The following GRIK2 variants were observed in gnomAD, a reference collection of about 807,000 sequenced individuals.
GRIK2 encodes glutamate ionotropic receptor kainate type subunit 2, also known as glutamate receptor ionotropic, kainate 2.
GRIK2 carries 32 observed loss-of-function variants against 100.3 expected under a neutral mutation model. The ratio of observed to expected loss-of-function variants is 0.32; its 90% CI spans 0.24 to 0.43. The LOEUF is 0.43. Among genes scored for constraint, GRIK2 ranks in the 20% least tolerant of loss-of-function variants. GRIK2 has a pLI of 1.00. For missense variants in GRIK2, 843 were observed against 1,114.9 expected, an observed-to-expected ratio of 0.76 and a Z score of 3.47; for synonymous variants, 417 against 389.4, an observed-to-expected ratio of 1.07 and a Z score of -0.83.
chr6:101,872,828 A>G (rs1392098301), intron 11 of GRIK2, among the ~76,000 whole-genome samples: 1 of 151,948 alleles, frequency 6.6e-6, no homozygotes. Flanking sequence ...GTTTTCAATG[A>G]GAATTTAAAT....
At position 102,019,632 on chromosome 6, in the gene GRIK2, G is replaced by A. The variant is rs531936757; in HGVS notation, c.2086-15709G>A. Among the ~76,000 whole-genome samples the A allele has an allele frequency of 2.6e-5, 4 of 152,078 alleles. No homozygotes were observed. The South Asian group carries it at 8.3e-4, about 32-fold the overall frequency. ...GTGTCAATCTATACATGAGATTTGT[G>A]TCAGTCTTTTCAGTTTATCACTTTT... is the stretch of plus-strand genomic sequence containing the variant. On this transcript the variant is annotated intron_variant, in intron 14 of 16. Transcript: ENST00000369134.
At chr6:101,582,480 G>T (rs988775830) in intron 2 of GRIK2, among the ~76,000 whole-genome samples, 2 of 152,076 alleles carry the variant, frequency 1.3e-5, no homozygotes, top group African/African-American at 4.8e-5. Flanking sequence ...GTGAAGAGGT[G>T]CCTTCTGCCA....
chr6:102,015,433 T>C (rs1238359513), intron 14 of GRIK2, among the ~76,000 whole-genome samples: 1 of 152,176 alleles, frequency 6.6e-6, no homozygotes, highest in African/African-American at 2.4e-5. Flanking sequence ...TTAGCCCATT[T>C]ACATTCAAGG....
At chr6:101,416,474 T>C (rs556681054) in intron 2 of GRIK2, among the ~76,000 whole-genome samples, 1 of 152,276 alleles carries the variant, frequency 6.6e-6, no homozygotes, top group Non-Finnish European at 1.5e-5. Flanking sequence ...CTTTTTGATT[T>C]GTTAAGCAAA....
rs1350203939 is a variant in GRIK2 at position 101,484,866 on chromosome 6, A to G, written c.115+85474A>G. ...TATAGGTACAGAATTTATAAGTTCA[A>G]AATGCTTCTATTATTGACAAATAAC... On this transcript the variant is annotated intron_variant, in intron 2 of 16. Coordinates refer to ENST00000369134, the MANE Select transcript of GRIK2 (RefSeq NM_021956.5). Among the ~76,000 whole-genome samples, 6 of 152,198 alleles carry G rather than the reference A, an allele frequency of 3.9e-5. No individual in the cohort carries two copies. The South Asian group carries it at 1.2e-3, about 31-fold the overall frequency.
At chr6:101,712,711 A>G (rs1773802289) in intron 7 of GRIK2, among the ~76,000 whole-genome samples, 1 of 151,794 alleles carries the variant, frequency 6.6e-6, no homozygotes, top group Non-Finnish European at 1.5e-5. Flanking sequence ...TGAGGGATAC[A>G]GCATTCTCAA....
chr6:101,558,537 T>G (rs886098071), intron 2 of GRIK2, among the ~76,000 whole-genome samples: 1 of 152,156 alleles, frequency 6.6e-6, no homozygotes, highest in African/African-American at 2.4e-5. Flanking sequence ...CAGCGTGTTT[T>G]GGAAATAGTG....
intron 7 of GRIK2, among the ~76,000 whole-genome samples, chr6:101,735,705 A>G (rs1238933136): frequency 3.3e-5 from 5 of 152,182 alleles, no homozygotes; most frequent in South Asian, 2.1e-4. Context: ...TATGAGAGCT[A>G]TAAGATGAGA....
intron 2 of GRIK2, among the ~76,000 whole-genome samples, chr6:101,416,882 A>C (rs1776163653): frequency 1.3e-5 from 2 of 152,192 alleles, no homozygotes; most frequent in South Asian, 4.1e-4. Flanking sequence ...ATTTGGGAGA[A>C]GCCTTCATCA....
rs963786732 is a variant in GRIK2, at chr6:101,905,888, A to G, written c.1748+16025A>G. On this transcript the variant is annotated intron_variant, in intron 12 of 16. Coordinates refer to ENST00000369134, the MANE Select transcript of GRIK2 (RefSeq NM_021956.5). Reference sequence around the variant, plus strand: ...GAATTTTTATTTATTGTTTGATTAAATGGAATAGTACTACATGGGGAAATG... The same window carrying G: ...GAATTTTTATTTATTGTTTGATTAAGTGGAATAGTACTACATGGGGAAATG... Among the ~76,000 whole-genome samples the G allele has an allele frequency of 7.9e-5, 12 of 151,646 alleles. No homozygotes were observed. The Admixed American group carries it at 7.9e-4, about 10-fold the overall frequency.
At chr6:102,063,896 G>A in intron 16 of GRIK2, 1 of 704,676 alleles carries the variant, frequency 1.4e-6, no homozygotes, top group Non-Finnish European at 2.5e-6. Context: ...ATTTTATTAA[G>A]AGTTTTACTA....
intron 10 of GRIK2, among the ~76,000 whole-genome samples, chr6:101,846,688 A>G (rs1200189120): frequency 6.6e-6 from 1 of 151,692 alleles, no homozygotes; most frequent in Non-Finnish European, 1.5e-5. Context: ...CAATCTCTTT[A>G]TTTTCTCTAG....
intron 2 of GRIK2, among the ~76,000 whole-genome samples, chr6:101,604,930 C>A (rs552408856): frequency 2.0e-5 from 3 of 151,750 alleles, no homozygotes; most frequent in African/African-American, 7.3e-5. Flanking sequence ...TTTGGAGAAA[C>A]GACAAGAACA....
intron 2 of GRIK2, among the ~76,000 whole-genome samples, chr6:101,426,873 A>T (rs989840909): frequency 6.6e-6 from 1 of 152,180 alleles, no homozygotes; most frequent in Non-Finnish European, 1.5e-5. Context: ...TCAGATTTTT[A>T]AGACCCCTTT....
At chr6:101,937,349 CTT>C (rs972938949) in intron 14 of GRIK2, among the ~76,000 whole-genome samples, 3 of 152,078 alleles carry the variant, frequency 2.0e-5, no homozygotes, top group African/African-American at 7.2e-5. Flanking sequence ...ACTCATCAGT[CTT>C]AGGAGAGAGG....
chr6:101,952,851 C>T (rs927137011), intron 14 of GRIK2, among the ~76,000 whole-genome samples: 2 of 152,158 alleles, frequency 1.3e-5, no homozygotes, highest in Non-Finnish European at 2.9e-5. Flanking sequence ...ATCTGCCCAT[C>T]TCGGCCTCCC....
chr6:101,526,118 G>A (rs189235139), intron 2 of GRIK2, among the ~76,000 whole-genome samples: 12 of 152,218 alleles, frequency 7.9e-5, no homozygotes, highest in South Asian at 6.2e-4. Context: ...CTATCTGTCC[G>A]ACCTCAGTGC....
intron 4 of GRIK2, among the ~76,000 whole-genome samples, chr6:101,675,772 C>T (rs1770789557): frequency 6.6e-6 from 1 of 152,026 alleles, no homozygotes; most frequent in South Asian, 2.1e-4. Context: ...CAAATGTGTG[C>T]AGGTATATTT....
chr6:102,003,936 T>C (rs1220153824), intron 14 of GRIK2, among the ~76,000 whole-genome samples: 3 of 151,698 alleles, frequency 2.0e-5, no homozygotes, highest in Non-Finnish European at 4.4e-5. Flanking sequence ...TGACTAGGTA[T>C]TAAAGTTTTA....
Sources: gnomAD v4.1 joint callset for allele counts (sites outside exome capture counted in the v4.1 genomes callset) on GRCh38, gnomAD v4.1.1 for gene constraint, MANE v1.5 for transcripts, NCBI Gene and HGNC (gene_info 2026-07-23, HGNC 2026-07-21) for gene names.